Variants in LPP observed in about 807,000 individuals in gnomAD.
LPP encodes the protein LIM domain containing preferred translocation partner in lipoma.
LPP carries 38 observed loss-of-function variants against 60.4 expected under a neutral mutation model. The observed-to-expected ratio is 0.63, with a 90% confidence interval of 0.49 to 0.83. LPP has a LOEUF of 0.83. Among genes scored for constraint, LPP ranks in the 40% least tolerant of loss-of-function variants. LPP has a pLI of 0.00. For missense variants in LPP, 902 were observed against 783.6 expected, an observed-to-expected ratio of 1.15 and a Z score of -1.80; for synonymous variants, 328 against 290.8, an observed-to-expected ratio of 1.13 and a Z score of -1.30.
rs113547246 is a variant in LPP at position 188,380,833 on chromosome 3, T to C, written c.-9-25279T>C. ...AACAATATTGAACTTTTATTGAGTA[T>C]TTACACTATGCCTTGTAGAAGACTT... On this transcript the variant is annotated intron_variant, in intron 3 of 11. Transcript: ENST00000617246. Among the ~76,000 whole-genome samples the C allele has an allele frequency of 1.3e-3, 204 of 152,332 alleles. 1 individual carries two copies. Among genetic ancestry groups the C allele is most frequent in the African/African-American group, 4.6e-3 (193 of 41,584 alleles).
chr3:188,833,895 A>G (rs879608195), intron 9 of LPP, among the ~76,000 whole-genome samples: 14 of 152,184 alleles, frequency 9.2e-5, no homozygotes, highest in Admixed American at 9.2e-4. Flanking sequence ...AAGTTTTCAT[A>G]TATGTATTTT....
chr3:188,447,794 G>A (rs1296322284), intron 4 of LPP, among the ~76,000 whole-genome samples: 1 of 151,790 alleles, frequency 6.6e-6, no homozygotes, highest in African/African-American at 2.4e-5. Flanking sequence ...AAAAAAAGGT[G>A]ACTCTCCGGG....
chr3:188,752,971 T>A (rs1355887625), intron 8 of LPP, among the ~76,000 whole-genome samples: 2 of 152,298 alleles, frequency 1.3e-5, no homozygotes, highest in African/African-American at 2.4e-5. Context: ...GATGGAGAAG[T>A]GATGCTGGAC....
chr3:188,444,236 T>A (rs1794698477), intron 4 of LPP, among the ~76,000 whole-genome samples: 1 of 137,956 alleles, frequency 7.2e-6, no homozygotes, highest in Non-Finnish European at 1.6e-5. Context: ...TGTATTCTTT[T>A]TCTAATAATA....
At chr3:188,465,906 A>C (rs1019226914) in intron 4 of LPP, among the ~76,000 whole-genome samples, 3 of 152,288 alleles carry the variant, frequency 2.0e-5, no homozygotes. Flanking sequence ...CATCTCAGTT[A>C]TCAAGGGCCA....
intron 1 of LPP, among the ~76,000 whole-genome samples, chr3:188,204,645 T>G (rs1486482286): frequency 6.6e-6 from 1 of 152,204 alleles, no homozygotes; most frequent in African/African-American, 2.4e-5. Context: ...TTTTCGTTCC[T>G]GTTTTACAGA....
chr3:188,488,682 G>T (rs1308738647), intron 5 of LPP, among the ~76,000 whole-genome samples: 4 of 151,742 alleles, frequency 2.6e-5, no homozygotes. Flanking sequence ...TGTCACCCAG[G>T]CTGGAGTGCA....
At chr3:188,462,544 TTA>T (rs71167102) in intron 4 of LPP, among the ~76,000 whole-genome samples, 3,489 of 33,614 alleles carry the variant, frequency 0.1, 143 homozygotes, top group Non-Finnish European at 0.15. Flanking sequence ...TATATGAGCT[TTA>T]TATATATATA....
intron 3 of LPP, among the ~76,000 whole-genome samples, chr3:188,374,058 T>C (rs1313652775): frequency 6.6e-6 from 1 of 152,178 alleles, no homozygotes; most frequent in Non-Finnish European, 1.5e-5. Context: ...TTCTGTTCCA[T>C]TGGCCTATAT....
chr3:188,203,487 TTTTAA>T (rs1731908553), intron 1 of LPP, among the ~76,000 whole-genome samples: 1 of 67,556 alleles, frequency 1.5e-5, no homozygotes, highest in Non-Finnish European at 2.5e-5. Context: ...ATATATATAT[TTTTAA>T]ATATATATAA....
intron 6 of LPP, among the ~76,000 whole-genome samples, chr3:188,539,232 G>C (rs148551758): frequency 1.2e-4 from 19 of 152,248 alleles, no homozygotes; most frequent in African/African-American, 4.6e-4. Context: ...TACACACATG[G>C]CATTGGGAGT....
chr3:188,752,088 A>G (rs574006047), intron 8 of LPP, among the ~76,000 whole-genome samples: 2 of 152,166 alleles, frequency 1.3e-5, no homozygotes, highest in Non-Finnish European at 2.9e-5. Flanking sequence ...TATACTTCCT[A>G]TAGTTTAAAG....
intron 7 of LPP, among the ~76,000 whole-genome samples, chr3:188,680,259 G>A (rs1859183213): frequency 6.6e-6 from 1 of 152,040 alleles, no homozygotes; most frequent in African/African-American, 2.4e-5. Context: ...ATTTTGTTCT[G>A]AAATTGTAAC....
intron 9 of LPP, among the ~76,000 whole-genome samples, chr3:188,846,535 TTAGGCGGGCATG>T (rs1761444759): frequency 6.6e-6 from 1 of 151,576 alleles, no homozygotes; most frequent in African/African-American, 2.4e-5. Context: ...AATACAAAAA[TTAGGCGGGCATG>T]GTGGCGGGCA....
intron 3 of LPP, among the ~76,000 whole-genome samples, chr3:188,394,946 T>C (rs1275643999): frequency 6.6e-6 from 1 of 151,642 alleles, no homozygotes; most frequent in African/African-American, 2.4e-5. Flanking sequence ...TAGCCTCTCT[T>C]ACAAAAACTA....
chr3:188,847,962 G>A (rs1761864115), intron 9 of LPP, among the ~76,000 whole-genome samples: 1 of 152,252 alleles, frequency 6.6e-6, no homozygotes, highest in East Asian at 1.9e-4. Flanking sequence ...CAGGCTCCTG[G>A]GGAACCAAAT....
intron 1 of LPP, among the ~76,000 whole-genome samples, chr3:188,181,706 T>A (rs1471604486): frequency 1.3e-5 from 2 of 152,210 alleles, no homozygotes; most frequent in Non-Finnish European, 2.9e-5. Context: ...TTTATTTAAT[T>A]TAATTAATTA....
intron 2 of LPP, among the ~76,000 whole-genome samples, chr3:188,257,653 A>G (rs1732105332): frequency 6.6e-6 from 1 of 152,172 alleles, no homozygotes; most frequent in Non-Finnish European, 1.5e-5. Context: ...ATGGAATGCA[A>G]TTTTGAAGAC....
intron 3 of LPP, among the ~76,000 whole-genome samples, chr3:188,367,671 C>T (rs1771624338): frequency 6.6e-6 from 1 of 152,152 alleles, no homozygotes. Flanking sequence ...CTAAAATGTG[C>T]TCCATGAAAT....
Sources: gnomAD v4.1 joint callset for allele counts (sites outside exome capture counted in the v4.1 genomes callset) on GRCh38, gnomAD v4.1.1 for gene constraint, MANE v1.5 for transcripts, NCBI Gene and HGNC (gene_info 2026-07-23, HGNC 2026-07-21) for gene names.